The following MTUS1 variants were observed in gnomAD, a reference collection of about 807,000 sequenced individuals.
The protein encoded by MTUS1 is microtubule-associated tumor suppressor 1.
Under a neutral mutation model 120.8 loss-of-function variants are expected in MTUS1, and 109 were observed. The ratio of observed to expected loss-of-function variants is 0.90; its 90% CI spans 0.77 to 1.06. MTUS1 has a LOEUF of 1.06. Among genes scored for constraint, MTUS1 ranks in the 50% least tolerant of loss-of-function variants. The pLI, the probability that MTUS1 is intolerant of heterozygous loss-of-function variation, is 0.00. For synonymous variants in MTUS1, 737 were observed against 550.5 expected (o/e 1.34, Z -4.74); for missense variants, 2,210 against 1,486.3 (o/e 1.49, Z -8.01).
At chr8:17,692,948 T>A (rs1391810806) in intron 6 of MTUS1, among the ~76,000 whole-genome samples, 1 of 152,214 alleles carries the variant, frequency 6.6e-6, no homozygotes, top group African/African-American at 2.4e-5. Flanking sequence ...TGTTCCTCCC[T>A]TGCGCTGCAG....
At chr8:17,766,311 T>C (rs2049481845) in intron 1 of MTUS1, among the ~76,000 whole-genome samples, 1 of 152,202 alleles carries the variant, frequency 6.6e-6, no homozygotes, top group Non-Finnish European at 1.5e-5. Context: ...AGTACACAAG[T>C]AATCATCATC....
chr8:17,789,202 T>C (rs2051561493), intron 1 of MTUS1, among the ~76,000 whole-genome samples: 2 of 152,052 alleles, frequency 1.3e-5, no homozygotes, highest in African/African-American at 4.8e-5. Context: ...CTGGCTACTT[T>C]TGTAATTTTA....
chr8:17,695,785 C>G (rs1817820198), intron 6 of MTUS1, among the ~76,000 whole-genome samples: 1 of 152,062 alleles, frequency 6.6e-6, no homozygotes, highest in Admixed American at 6.5e-5. Flanking sequence ...ATATAGTACG[C>G]TTTTATTTCT....
intron 6 of MTUS1, among the ~76,000 whole-genome samples, chr8:17,696,552 A>C (rs950906049): frequency 2.6e-5 from 4 of 152,230 alleles, no homozygotes; most frequent in Non-Finnish European, 5.9e-5. Flanking sequence ...ATCTAGGACA[A>C]AAGTAGCAAC....
rs370445293 is a variant in MTUS1, at chr8:17,663,718, CCT to C, written c.2906-7655_2906-7654del. On this transcript the variant is annotated intron_variant, in intron 8 of 14. Transcript: ENST00000693296. ...TTAAGCGATTCTCCTGCCTCAGCCCCCTGAGTAGCTGGGATTACAGGCATGCA... is the reference window on the plus strand; with the variant it reads ...TTAAGCGATTCTCCTGCCTCAGCCCCGAGTAGCTGGGATTACAGGCATGCA... Among the ~76,000 whole-genome samples the C allele has an allele frequency of 1.6e-3, 241 of 152,264 alleles. 4 individuals carry two copies. Among genetic ancestry groups the C allele is most frequent in the African/African-American group, 5.1e-3 (212 of 41,548 alleles).
rs201468140 is a variant in MTUS1 at position 17,755,234 on chromosome 8, G to C, written c.574C>G (p.Pro192Ala). The stretch of plus-strand genomic sequence containing the variant: ...GTACTTCCACTTCTCCTACCAGTTG[G>C]TGGCAGGCTTCCAGCAGTATGGAAG... ...QSFHTAGSLP[P>A]TGRRSGSTSS... The change falls in exon 2 of 15, where the codon CCA (proline) becomes GCA (alanine). Residue 192 changes from proline (P) to alanine (A), a missense_variant. Coordinates refer to ENST00000693296, the MANE Select transcript of MTUS1 (RefSeq NM_001363059.2). 130 of 1,614,058 alleles carry C rather than the reference G, an allele frequency of 8.1e-5. No individual in the cohort carries two copies. The highest frequency in any genetic ancestry group is 1.0e-4 in the Non-Finnish European group (120 of 1,180,022).
intron 6 of MTUS1, chr8:17,706,301 C>A (rs528322280): frequency 1.3e-5 from 2 of 152,082 alleles, no homozygotes; most frequent in African/African-American, 2.4e-5. Context: ...TGTCTCCAAA[C>A]GAGAAATTTG....
At chr8:17,700,321 T>G (rs966447270) in intron 6 of MTUS1, among the ~76,000 whole-genome samples, 9 of 151,694 alleles carry the variant, frequency 5.9e-5, no homozygotes, top group African/African-American at 1.5e-4. Flanking sequence ...ACACAAAAAA[T>G]TAGCTGGGCA....
intron 6 of MTUS1, among the ~76,000 whole-genome samples, chr8:17,696,789 G>A (rs1463543094): frequency 2.0e-5 from 3 of 152,172 alleles, no homozygotes; most frequent in Non-Finnish European, 1.5e-5. Flanking sequence ...TCTGTCAGAA[G>A]TGTTTAGTAT....
At chr8:17,658,024 GACACACACACACAC>G (rs58132896) in intron 8 of MTUS1, among the ~76,000 whole-genome samples, 3,021 of 140,500 alleles carry the variant, frequency 0.022, 98 homozygotes, top group African/African-American at 0.073. Flanking sequence ...TATATATATA[GACACACACACACAC>G]ACACACACAC....
intron 8 of MTUS1, among the ~76,000 whole-genome samples, chr8:17,673,268 C>A (rs1812393992): frequency 6.6e-6 from 1 of 151,990 alleles, no homozygotes; most frequent in Non-Finnish European, 1.5e-5. Flanking sequence ...AACTGTTTCA[C>A]CAGAACTCTC....
intron 3 of MTUS1, among the ~76,000 whole-genome samples, chr8:17,727,087 C>T (rs765162646): frequency 6.6e-5 from 10 of 152,176 alleles, no homozygotes; most frequent in Non-Finnish European, 1.2e-4. Context: ...ATCTCATTGT[C>T]ACCCCCATCC....
intron 1 of MTUS1, among the ~76,000 whole-genome samples, chr8:17,778,908 G>A (rs2050663658): frequency 2.0e-5 from 3 of 152,196 alleles, no homozygotes. Flanking sequence ...AATATTGGAT[G>A]ACATTCATCA....
At chr8:17,694,218 G>A (rs974553146) in intron 6 of MTUS1, among the ~76,000 whole-genome samples, 3 of 152,158 alleles carry the variant, frequency 2.0e-5, no homozygotes, top group South Asian at 2.1e-4. Flanking sequence ...TGAGCCAGTG[G>A]CACCAGCCAG....
At chr8:17,692,782 C>T (rs1036290698) in intron 6 of MTUS1, among the ~76,000 whole-genome samples, 9 of 152,126 alleles carry the variant, frequency 5.9e-5, no homozygotes, top group African/African-American at 2.2e-4. Context: ...GTACAAGAAT[C>T]TGTACAATAA....
At chr8:17,798,568 C>G (rs1331231081) in intron 1 of MTUS1, among the ~76,000 whole-genome samples, 1 of 152,144 alleles carries the variant, frequency 6.6e-6, no homozygotes, top group East Asian at 1.9e-4. Flanking sequence ...CCCTGACCTC[C>G]TGATCCGCCC....
chr8:17,779,133 T>C (rs2050681394), intron 1 of MTUS1, among the ~76,000 whole-genome samples: 1 of 152,130 alleles, frequency 6.6e-6, no homozygotes, highest in Non-Finnish European at 1.5e-5. Flanking sequence ...GAATAAGTAG[T>C]AGGTAAGGAG....
At chr8:17,673,728 T>C (rs1472942155) in intron 8 of MTUS1, among the ~76,000 whole-genome samples, 1 of 152,144 alleles carries the variant, frequency 6.6e-6, no homozygotes, top group Non-Finnish European at 1.5e-5. Flanking sequence ...GCGCTGGGAT[T>C]ACAGGTGTGA....
chr8:17,741,806 CAAA>C (rs2047337831), intron 3 of MTUS1, among the ~76,000 whole-genome samples: 1 of 152,156 alleles, frequency 6.6e-6, no homozygotes, highest in Non-Finnish European at 1.5e-5. Context: ...AGGTGAGCTC[CAAA>C]TTGTCCCTAG....
Sources: allele counts gnomAD v4.1 joint callset (sites outside exome capture counted in the v4.1 genomes callset), GRCh38; gene constraint gnomAD v4.1.1; transcripts MANE v1.5; gene names NCBI Gene and HGNC (gene_info 2026-07-23, HGNC 2026-07-21).